The following SLC40A1 variants were observed in gnomAD, a reference collection of about 807,000 sequenced individuals.
SLC40A1 encodes solute carrier family 40 member 1, also known as ferroportin.
A neutral mutation model predicts 53.5 loss-of-function variants in SLC40A1; 16 were observed. The ratio of observed to expected loss-of-function variants is 0.30; its 90% CI spans 0.20 to 0.45. SLC40A1 has a LOEUF of 0.45. SLC40A1 is among the 20% of genes least tolerant of loss of function. The pLI is 1.00. For missense variants in SLC40A1, 545 were observed against 695.4 expected (o/e 0.78, Z 2.43); for synonymous variants, 247 against 253.2 (o/e 0.98, Z 0.23).
At chr2:189,567,268 T>C (rs2030966539) in intron 5 of SLC40A1, among the ~76,000 whole-genome samples, 2 of 152,116 alleles carry the variant, frequency 1.3e-5, no homozygotes, top group Non-Finnish European at 1.5e-5. Flanking sequence ...ACTGAGATTA[T>C]GGGAGGAGAG....
At chr2:189,575,455 G>A in intron 2 of SLC40A1, 135 bp from the exon 3 acceptor site, 1 of 778,518 alleles carries the variant, frequency 1.3e-6, no homozygotes, top group Non-Finnish European at 2.2e-6. Context: ...ATTACTCTTA[G>A]ATTGAATACT....
At position 189,561,837 on chromosome 2, in the gene SLC40A1, T is replaced by G; in HGVS notation, c.*41A>C. On this transcript the variant is annotated 3_prime_UTR_variant, in exon 8 of 8. Coordinates refer to ENST00000261024, the MANE Select transcript of SLC40A1 (RefSeq NM_014585.6). Reference sequence around the variant, plus strand: ...TGCAGTACAAAATAAGCACATGTGCTCTATATAATCTAGTAACAGGATAGC... The same window carrying G: ...TGCAGTACAAAATAAGCACATGTGCGCTATATAATCTAGTAACAGGATAGC... 1 of 1,519,840 alleles carries G rather than the reference T, an allele frequency of 6.6e-7. No individual in the cohort carries two copies. 94.1% of individuals were successfully genotyped at this position (1,519,840 alleles called of 1,614,324 possible). A position where few individuals can be genotyped will look rare whatever the true frequency, so the allele number is the denominator to read the frequency against.
At position 189,563,786 on chromosome 2, in the gene SLC40A1, C is replaced by A; in HGVS notation, c.1200G>T (p.Leu400Phe). 6.2e-7 allele frequency: 1 copy of A among 1,614,196 alleles called. No homozygotes were observed. The highest frequency in any genetic ancestry group is 8.5e-7 in the Non-Finnish European group (1 of 1,180,030). The change falls in exon 7 of 8, where the codon TTG (leucine) becomes TTT (phenylalanine). Residue 400 changes from leucine to phenylalanine, a missense_variant. This residue lies in a region of SLC40A1 where 234 missense variants were observed against 299.0 expected (regional missense o/e 0.78). Transcript: ENST00000261024. The stretch of plus-strand genomic sequence containing the variant: ...GGATATCTTCAAAAGGAGAAACGGA[C>A]AAGTCCAGGGGGCTTCCAGGCATGA... ...SVFMPGSPLD[L>F]SVSPFEDIRS...
chr2:189,569,974 G>GTA (rs201176461), intron 5 of SLC40A1, among the ~76,000 whole-genome samples: 30 of 136,932 alleles, frequency 2.2e-4, no homozygotes, highest in East Asian at 1.7e-3. Flanking sequence ...ATATATGTAT[G>GTA]TATATATATA....
At chr2:189,568,803 G>A (rs949752086) in intron 5 of SLC40A1, among the ~76,000 whole-genome samples, 2 of 152,098 alleles carry the variant, frequency 1.3e-5, no homozygotes, top group African/African-American at 4.8e-5. Context: ...AAATTTATCT[G>A]CCATACTTGA....
chr2:189,577,207 T>C (rs938068540), intron 2 of SLC40A1, among the ~76,000 whole-genome samples: 1 of 152,214 alleles, frequency 6.6e-6, no homozygotes, highest in African/African-American at 2.4e-5. Context: ...TGAATGATCA[T>C]GGTCCTCAAT....
chr2:189,569,583 A>G (rs2105625801), intron 5 of SLC40A1, among the ~76,000 whole-genome samples: 1 of 152,336 alleles, frequency 6.6e-6, no homozygotes, highest in African/African-American at 2.4e-5. Flanking sequence ...GGCACAAAAA[A>G]TCCACAATTA....
chr2:189,562,178 A>T lies in SLC40A1; in HGVS notation c.1416T>A (p.Phe472Leu). 2 of 1,610,202 alleles carry T rather than the reference A, an allele frequency of 1.2e-6. No individual in the cohort carries two copies. Among genetic ancestry groups the T allele is most frequent in the Non-Finnish European group, 1.7e-6 (2 of 1,177,148 alleles). The change falls in exon 8 of 8, where the codon TTT becomes TTA. Residue 472 changes from phenylalanine (F) to leucine (L), a missense_variant. Physicochemically the swap from Phe to Leu is conservative, Grantham distance 22. Transcript: ENST00000261024. ...GCAGCAACTGTGTCACAGTTAAATC[A>T]AAGGACCAAAGACCTATAATAAAAT... ...VIAARIGLWS[F>L]DLTVTQLLQE... is the part of the protein sequence containing the mutation.
In SLC40A1 at chr2:189,580,708, G is replaced by T. The variant is rs986253786; in HGVS notation, c.-248C>A. The T allele has an allele frequency of 7.0e-7, 1 of 1,421,472 alleles. No individual in the cohort carries two copies. The highest frequency in any genetic ancestry group is 1.4e-5 in the African/African-American group (1 of 69,442). The allele number at this position is 1,421,472 out of a possible 1,614,324, so 88.1% of individuals were successfully genotyped here. Reference sequence around the variant, plus strand: ...GAAGTTGGAAAGGCAAAGCCTTATGGAAGCGGTTTGGGAGGCTCAGCAGGT... The same window carrying T: ...GAAGTTGGAAAGGCAAAGCCTTATGTAAGCGGTTTGGGAGGCTCAGCAGGT... On this transcript the variant is annotated 5_prime_UTR_variant, in exon 1 of 8. Coordinates refer to ENST00000261024, the MANE Select transcript of SLC40A1 (RefSeq NM_014585.6).
chr2:189,568,332 C>CA (rs1340192592), intron 5 of SLC40A1, among the ~76,000 whole-genome samples: 1 of 151,886 alleles, frequency 6.6e-6, no homozygotes, highest in African/African-American at 2.4e-5. Context: ...ACTAAAAATA[C>CA]AAAAAAATTA....
At chr2:189,575,031 T>C in intron 3 of SLC40A1, 130 bp downstream of exon 3, 2 of 1,062,732 alleles carry the variant, frequency 1.9e-6, no homozygotes, top group Non-Finnish European at 2.9e-6. Context: ...ATCTAAGCCC[T>C]CCTCCCTCAA....
intron 4 of SLC40A1, chr2:189,572,608 T>G (rs1419895349): frequency 2.4e-5 from 14 of 575,144 alleles, no homozygotes; most frequent in Non-Finnish European, 4.0e-5. Flanking sequence ...TATAGTAAAC[T>G]CTTAGAAATG....
In SLC40A1 at chr2:189,561,440, T is replaced by A. The variant is rs1574235629; in HGVS notation, c.*438A>T. On this transcript the variant is annotated 3_prime_UTR_variant, in exon 8 of 8. Transcript: ENST00000261024. ...AATTTAGTCTTCATACTTGAAGAATTTGTTTTTAAAAATAACTAAGATGCA... is the reference window on the plus strand; with the variant it reads ...AATTTAGTCTTCATACTTGAAGAATATGTTTTTAAAAATAACTAAGATGCA... 1 of 167,588 alleles carries A rather than the reference T, an allele frequency of 6.0e-6. No homozygotes were observed. The highest frequency in any genetic ancestry group is 1.7e-4 in the East Asian group (1 of 6,024). 10.4% of individuals were successfully genotyped at this position (167,588 alleles called of 1,614,324 possible).
chr2:189,579,765 A>G, intron 2 of SLC40A1, 48 bp downstream of exon 2: 1 of 1,525,738 alleles, frequency 6.6e-7, no homozygotes, highest in Non-Finnish European at 9.1e-7. Flanking sequence ...AACGAAAGGA[A>G]ATAAAAAATT....
intron 5 of SLC40A1, 30 bp from the exon 6 acceptor site, chr2:189,565,629 G>A (rs780275501): frequency 6.2e-7 from 1 of 1,613,910 alleles, no homozygotes; most frequent in Non-Finnish European, 8.5e-7. Flanking sequence ...AGGCAGGTAA[G>A]TGTGCAAACC....
At chr2:189,569,223 GA>G (rs1230406120) in intron 5 of SLC40A1, among the ~76,000 whole-genome samples, 1 of 152,146 alleles carries the variant, frequency 6.6e-6, no homozygotes, top group Non-Finnish European at 1.5e-5. Context: ...CTAAAATTAA[GA>G]AACACTGTGA....
chr2:189,580,697 A>C lies in SLC40A1; in HGVS notation c.-237T>G. Reference sequence around the variant, plus strand: ...ACACTGTAGCTGAAGTTGGAAAGGCAAAGCCTTATGGAAGCGGTTTGGGAG... The same window carrying C: ...ACACTGTAGCTGAAGTTGGAAAGGCCAAGCCTTATGGAAGCGGTTTGGGAG... On this transcript the variant is annotated 5_prime_UTR_variant, in exon 1 of 8. Coordinates refer to ENST00000261024, the MANE Select transcript of SLC40A1 (RefSeq NM_014585.6). 1 of 1,456,102 alleles carries C rather than the reference A, an allele frequency of 6.9e-7. No individual in the cohort carries two copies. The highest frequency in any genetic ancestry group is 9.0e-7 in the Non-Finnish European group (1 of 1,105,746). 90.2% of individuals were successfully genotyped at this position (1,456,102 alleles called of 1,614,324 possible).
rs2030744642 is a variant in SLC40A1 at position 189,561,696 on chromosome 2, A to G, written c.*182T>C. 2 of 606,696 alleles carry G rather than the reference A, an allele frequency of 3.3e-6. No homozygotes were observed. The highest frequency in any genetic ancestry group is 5.9e-5 in the Admixed American group (2 of 33,928). 37.6% of individuals were successfully genotyped at this position (606,696 alleles called of 1,614,324 possible). A position where few individuals can be genotyped will look rare whatever the true frequency, so the allele number is the denominator to read the frequency against. On this transcript the variant is annotated 3_prime_UTR_variant, in exon 8 of 8. Coordinates refer to ENST00000261024, the MANE Select transcript of SLC40A1 (RefSeq NM_014585.6). ...TCCAATTTTTTTTCCATGCCTCAACATAAGGGAAATTAATCAGTTAATTTC... is the reference window on the plus strand; with the variant it reads ...TCCAATTTTTTTTCCATGCCTCAACGTAAGGGAAATTAATCAGTTAATTTC...
At chr2:189,564,770 G>A (rs1477500256) in intron 6 of SLC40A1, among the ~76,000 whole-genome samples, 2 of 152,150 alleles carry the variant, frequency 1.3e-5, no homozygotes, top group African/African-American at 2.4e-5. Flanking sequence ...AACCCAGGAG[G>A]CAGAGCTTGC....
Sources: gnomAD v4.1 joint callset for allele counts (sites outside exome capture counted in the v4.1 genomes callset) on GRCh38, gnomAD v4.1.1 for gene constraint, gnomAD v4.1.1 regional missense constraint, MANE v1.5 for transcripts, NCBI Gene and HGNC (gene_info 2026-07-23, HGNC 2026-07-21) for gene names.